The following USP31 variants were observed in gnomAD, a reference collection of about 807,000 sequenced individuals.
USP31 encodes ubiquitin carboxyl-terminal hydrolase 31.
USP31 carries 44 observed loss-of-function variants against 119.4 expected under a neutral mutation model. The ratio of observed to expected loss-of-function variants is 0.37; its 90% CI spans 0.29 to 0.47. The LOEUF (loss-of-function observed/expected upper bound fraction) is 0.47. Ranked by LOEUF, USP31 falls within the 20% of genes least tolerant of loss-of-function variation. The probability of loss-of-function intolerance (pLI) is 0.99; values close to 1 mark genes in which losing one functional copy is unlikely to be tolerated. For missense variants in USP31, 1,643 were observed against 1,730.2 expected (o/e 0.95, Z 0.89); for synonymous variants, 749 against 705.6 (o/e 1.06, Z -0.97).
intron 6 of USP31, among the ~76,000 whole-genome samples, chr16:23,100,842 C>T (rs145692612): frequency 1.8e-4 from 28 of 152,066 alleles, no homozygotes; most frequent in African/African-American, 6.5e-4. Context: ...CAGGAGCTAA[C>T]GAGAATAGAA....
At chr16:23,070,585 G>A (rs1031059420) in intron 15 of USP31, among the ~76,000 whole-genome samples, 14 of 151,968 alleles carry the variant, frequency 9.2e-5, no homozygotes, top group Non-Finnish European at 1.3e-4. Flanking sequence ...GTGGTGGCAG[G>A]TGCCTGTAGT....
rs77659536 is a variant in USP31, at chr16:23,074,713, G to A, written c.2177-833C>T. ...GAGAACACATGAGCTCATGAACGCA[G>A]GAGGACTTCTTTCAGTCCAAATTCT... On this transcript the variant is annotated intron_variant, in intron 13 of 15. Transcript: ENST00000219689. 4.4e-4 allele frequency among the ~76,000 whole-genome samples: 67 copies of A among 152,288 alleles called. No individual in the cohort carries two copies. The East Asian group carries it at 0.01, about 23-fold the overall frequency.
intron 1 of USP31, among the ~76,000 whole-genome samples, chr16:23,138,253 C>T (rs2141901470): frequency 1.3e-5 from 2 of 152,320 alleles, no homozygotes; most frequent in South Asian, 4.1e-4. Flanking sequence ...AAACTCTATC[C>T]TAAACTACCA....
intron 14 of USP31, chr16:23,072,606 G>A (rs901073614): frequency 1.3e-5 from 6 of 477,536 alleles, no homozygotes; most frequent in African/African-American, 1.2e-4. Context: ...AAGAGAGGAT[G>A]CGGCAGTATA....
intron 11 of USP31, among the ~76,000 whole-genome samples, chr16:23,083,998 A>T (rs1002436987): frequency 1.3e-5 from 2 of 152,234 alleles, no homozygotes; most frequent in African/African-American, 4.8e-5. Context: ...AAACTACCTC[A>T]TAACAAAAGA....
At chr16:23,072,298 C>A (rs749470566) in intron 14 of USP31, 101 bp from the exon 15 acceptor site, 42 of 1,481,108 alleles carry the variant, frequency 2.8e-5, no homozygotes, top group Non-Finnish European at 3.7e-5. Flanking sequence ...AGCTGGGGGG[C>A]GTTGATGTCC....
At chr16:23,079,638 C>A in intron 13 of USP31, 1 of 246,104 alleles carries the variant, frequency 4.1e-6, no homozygotes, top group Non-Finnish European at 7.7e-6. Flanking sequence ...CTCTATCTAG[C>A]AAAACCGTAA....
intron 11 of USP31, among the ~76,000 whole-genome samples, chr16:23,083,191 CAGAT>C (rs1900916310): frequency 1.3e-5 from 2 of 152,288 alleles, no homozygotes; most frequent in South Asian, 4.2e-4. Flanking sequence ...GTGATCAAGA[CAGAT>C]GGAGTACCTG....
chr16:23,068,627 T>G lies in USP31; in HGVS notation c.3478A>C (p.Arg1160=). 2 of 1,614,246 alleles carry G rather than the reference T, an allele frequency of 1.2e-6. No homozygotes were observed. The highest frequency in any genetic ancestry group is 1.7e-6 in the Non-Finnish European group (2 of 1,180,044). The part of the protein sequence containing the change: ...SDHSLSREGS[R]QSLGSDRASA... Reference sequence around the variant, plus strand: ...GCTCTGTCAGAACCCAAGCTTTGTCTGGAGCCCTCTCTACTCAAGCTGTGG... The same window carrying G: ...GCTCTGTCAGAACCCAAGCTTTGTCGGGAGCCCTCTCTACTCAAGCTGTGG... The change falls in exon 16 of 16, where the codon AGA becomes CGA. Residue 1160 remains arginine, a synonymous_variant. Coordinates refer to ENST00000219689, the MANE Select transcript of USP31 (RefSeq NM_020718.4).
In USP31 at chr16:23,143,756, G is replaced by A. The variant is rs1903424515; in HGVS notation, c.633+4882C>T. ...GGGTGAAAACCCTTTAGTAAGGGGG[G>A]CTGTCCTGCACATTGTGTGACATTT... On this transcript the variant is annotated intron_variant, in intron 1 of 15. Coordinates refer to ENST00000219689, the MANE Select transcript of USP31 (RefSeq NM_020718.4). Among the ~76,000 whole-genome samples, 4 of 152,286 alleles carry A rather than the reference G, an allele frequency of 2.6e-5. No homozygotes were observed. In the South Asian group the frequency reaches 8.3e-4, roughly 32 times the overall value.
chr16:23,138,758 T>G (rs966765572), intron 1 of USP31, among the ~76,000 whole-genome samples: 11 of 152,152 alleles, frequency 7.2e-5, no homozygotes, highest in African/African-American at 2.2e-4. Flanking sequence ...GCAAAGGACT[T>G]TCCCACCTTT....
Position 23,069,353 on chromosome 16 carries a change from G to C in USP31, c.2752C>G (p.Leu918Val), listed in dbSNP as rs761404990. 2 of 1,604,234 alleles carry C rather than the reference G, an allele frequency of 1.2e-6. No homozygotes were observed. The highest frequency in any genetic ancestry group is 1.7e-5 in the Admixed American group (1 of 59,512). The stretch of plus-strand genomic sequence containing the variant: ...CTTGGTTCCTGGTAACTGCTAGAAA[G>C]GTTCCGCAAGCTACCAAAGCAAGAG... ...SISCFGSLRN[L>V]SSSYQEPSDS... Residue 918 changes from leucine to valine, a missense_variant, in exon 16 of 16, where the codon CTT becomes GTT. Physicochemically the swap from Leu to Val is conservative, Grantham distance 32 (BLOSUM62 1). Transcript: ENST00000219689.
Position 23,068,484 on chromosome 16 carries a change from G to C in USP31, c.3621C>G (p.Pro1207=), listed in dbSNP as rs1567222793. The C allele has an allele frequency of 6.2e-7, 1 of 1,613,304 alleles. No homozygotes were observed. The highest frequency in any genetic ancestry group is 1.7e-5 in the Admixed American group (1 of 60,020). ...TCAAACCAGACTTGATGCTTGTGCT[G>C]GGGGAGCGCAGGCTGGCCATGGAGG... is the stretch of plus-strand genomic sequence containing the variant. ...RSSSMASLRS[P]STSIKSGLKR... Residue 1207 remains proline (P), a synonymous_variant, in exon 16 of 16, where the codon CCC becomes CCG. Transcript: ENST00000219689.
At chr16:23,093,148 C>T (rs961192468) in intron 6 of USP31, among the ~76,000 whole-genome samples, 1 of 151,896 alleles carries the variant, frequency 6.6e-6, no homozygotes, top group Non-Finnish European at 1.5e-5. Context: ...GATATGACGA[C>T]AAAATTATGA....
intron 12 of USP31, 63 bp downstream of exon 12, chr16:23,082,375 C>T: frequency 6.3e-7 from 1 of 1,599,828 alleles, no homozygotes; most frequent in Non-Finnish European, 8.5e-7. Context: ...CAGAGCCCAT[C>T]AGCAGGGGGC....
chr16:23,142,788 A>G (rs903065152), intron 1 of USP31, among the ~76,000 whole-genome samples: 1 of 152,248 alleles, frequency 6.6e-6, no homozygotes, highest in Non-Finnish European at 1.5e-5. Flanking sequence ...AGAACTGACC[A>G]GGAAGGGATG....
At chr16:23,148,348 G>T (rs1462370226) in intron 1 of USP31, among the ~76,000 whole-genome samples, 1 of 152,232 alleles carries the variant, frequency 6.6e-6, no homozygotes, top group Admixed American at 6.5e-5. Flanking sequence ...CAAGTTCCAT[G>T]AAGGCGGATA....
intron 1 of USP31, among the ~76,000 whole-genome samples, chr16:23,145,300 C>A (rs1281427692): frequency 6.6e-6 from 1 of 152,150 alleles, no homozygotes; most frequent in Non-Finnish European, 1.5e-5. Flanking sequence ...CCAGCTCTAC[C>A]GAATCTCAAT....
At chr16:23,079,727 A>AT in intron 13 of USP31, 1 of 473,082 alleles carries the variant, frequency 2.1e-6, no homozygotes, top group African/African-American at 2.0e-5. Context: ...CCACTCCCCA[A>AT]TCAGTCAGCT....
Sources: gnomAD v4.1 joint callset for allele counts (sites outside exome capture counted in the v4.1 genomes callset) on GRCh38, gnomAD v4.1.1 for gene constraint, MANE v1.5 for transcripts, NCBI Gene and HGNC (gene_info 2026-07-23, HGNC 2026-07-21) for gene names.